The following ANKS1B variants were observed in gnomAD, a reference collection of about 807,000 sequenced individuals.
ANKS1B encodes the protein ankyrin repeat and sterile alpha motif domain-containing protein 1B.
Under a neutral mutation model 148.3 loss-of-function variants are expected in ANKS1B, and 36 were observed. The observed-to-expected ratio is 0.24, with a 90% confidence interval of 0.19 to 0.32. The LOEUF (loss-of-function observed/expected upper bound fraction) is 0.32. Ranked by LOEUF, ANKS1B falls within the 10% of genes least tolerant of loss-of-function variation. The pLI is 1.00. For missense variants in ANKS1B, 1,157 were observed against 1,542.6 expected (o/e 0.75, Z 4.19); for synonymous variants, 542 against 560.8 (o/e 0.97, Z 0.47).
chr12:99,650,377 T>TTAAATGGTCACCTTGAGA (rs1433477684), intron 9 of ANKS1B, among the ~76,000 whole-genome samples: 1 of 152,178 alleles, frequency 6.6e-6, no homozygotes, highest in African/African-American at 2.4e-5. Context: ...GATTGTTTCT[T>TTAAATGGTCACCTTGAGA]TAAATGGTCA....
At chr12:98,749,707 A>G (rs1362690735) in intron 26 of ANKS1B, among the ~76,000 whole-genome samples, 1 of 152,118 alleles carries the variant, frequency 6.6e-6, no homozygotes, top group Admixed American at 6.5e-5. Context: ...AGCATCACAG[A>G]GGACTGTGGT....
chr12:99,900,583 C>T (rs1415130818), intron 1 of ANKS1B, among the ~76,000 whole-genome samples: 9 of 149,708 alleles, frequency 6.0e-5, no homozygotes, highest in African/African-American at 2.0e-4. Flanking sequence ...AGCATTTATT[C>T]AAAGAGCTAT....
chr12:98,792,495 C>T (rs1290765742), intron 22 of ANKS1B, among the ~76,000 whole-genome samples: 1 of 152,116 alleles, frequency 6.6e-6, no homozygotes, highest in Non-Finnish European at 1.5e-5. Flanking sequence ...GTATACAGTA[C>T]AGCATTGTTA....
At chr12:99,872,076 C>A (rs2091585243) in intron 1 of ANKS1B, among the ~76,000 whole-genome samples, 2 of 152,074 alleles carry the variant, frequency 1.3e-5, no homozygotes, top group South Asian at 4.1e-4. Context: ...TGGGAAAAAA[C>A]ATATGTACTA....
intron 8 of ANKS1B, among the ~76,000 whole-genome samples, chr12:99,715,231 C>T (rs572322126): frequency 7.2e-5 from 11 of 152,296 alleles, no homozygotes; most frequent in Admixed American, 7.2e-4. Flanking sequence ...GTAACCTGCA[C>T]GTACACATCC....
chr12:99,691,983 G>A (rs1324867891), intron 8 of ANKS1B, among the ~76,000 whole-genome samples: 3 of 152,162 alleles, frequency 2.0e-5, no homozygotes, highest in Non-Finnish European at 4.4e-5. Context: ...GGGGTATGGT[G>A]GGCATTTTAA....
chr12:99,955,358 T>C (rs904844546), intron 1 of ANKS1B, among the ~76,000 whole-genome samples: 12 of 151,544 alleles, frequency 7.9e-5, no homozygotes, highest in African/African-American at 2.4e-4. Flanking sequence ...CCGGGCATGG[T>C]GGCGCGCGCC....
At chr12:99,205,160 A>C (rs755918528) in intron 14 of ANKS1B, among the ~76,000 whole-genome samples, 5 of 152,198 alleles carry the variant, frequency 3.3e-5, no homozygotes, top group Non-Finnish European at 7.3e-5. Flanking sequence ...CCAAGAAACC[A>C]AGAGAGTGCG....
chr12:99,940,295 A>G (rs1353795661), intron 1 of ANKS1B, among the ~76,000 whole-genome samples: 1 of 152,190 alleles, frequency 6.6e-6, no homozygotes, highest in Non-Finnish European at 1.5e-5. Context: ...TAAATAGGGC[A>G]TGACAATAAA....
chr12:99,940,858 A>T (rs374966080), intron 1 of ANKS1B, among the ~76,000 whole-genome samples: 1 of 152,182 alleles, frequency 6.6e-6, no homozygotes, highest in South Asian at 2.1e-4. Context: ...GAAGGGCATC[A>T]CAGAGGAAGG....
At position 98,744,105 on chromosome 12, in the gene ANKS1B, T is replaced by G; in HGVS notation, c.*1634A>C. 1.0e-6 allele frequency: 1 copy of G among 985,028 alleles called. No individual in the cohort carries two copies. Among genetic ancestry groups the G allele is most frequent in the Non-Finnish European group, 1.2e-6 (1 of 829,146 alleles). 61.0% of individuals were successfully genotyped at this position (985,028 alleles called of 1,614,324 possible). A position where few individuals can be genotyped will look rare whatever the true frequency, so the allele number is the denominator to read the frequency against. The stretch of plus-strand genomic sequence containing the variant: ...GCTTCTGTTTCAGCAAAGCTCCTAT[T>G]AACTTTGCTCCTATACAATTGCCTC... On this transcript the variant is annotated 3_prime_UTR_variant, in exon 27 of 27. Transcript: ENST00000683438.
chr12:99,076,957 A>C (rs2048059696), intron 16 of ANKS1B, among the ~76,000 whole-genome samples: 1 of 152,186 alleles, frequency 6.6e-6, no homozygotes, highest in African/African-American at 2.4e-5. Context: ...AGAGTATAAA[A>C]TATTTATGAT....
intron 17 of ANKS1B, among the ~76,000 whole-genome samples, chr12:98,943,858 C>T (rs976043627): frequency 1.3e-5 from 2 of 152,190 alleles, no homozygotes; most frequent in African/African-American, 4.8e-5. Flanking sequence ...CTCCAAATCT[C>T]ATGTTGAAAT....
At chr12:98,772,908 C>T (rs2153479144) in intron 25 of ANKS1B, 134 bp downstream of exon 25, 2 of 981,426 alleles carry the variant, frequency 2.0e-6, no homozygotes, top group East Asian at 2.9e-5. Context: ...CCCTAGCAAA[C>T]AAATACACTT....
At chr12:99,692,625 C>T (rs773571213) in intron 8 of ANKS1B, among the ~76,000 whole-genome samples, 2 of 147,172 alleles carry the variant, frequency 1.4e-5, no homozygotes, top group Non-Finnish European at 3.0e-5. Context: ...AAGCTGAGAT[C>T]GCACCACTGC....
At chr12:99,766,919 T>C (rs937822969) in intron 8 of ANKS1B, among the ~76,000 whole-genome samples, 6 of 150,388 alleles carry the variant, frequency 4.0e-5, no homozygotes, top group African/African-American at 1.5e-4. Context: ...GCTCTAGAAA[T>C]TGGGTTAGAA....
intron 26 of ANKS1B, 152 bp from the exon 27 acceptor site, chr12:98,746,001 C>T (rs1403292041): frequency 2.7e-6 from 2 of 736,016 alleles, no homozygotes; most frequent in Non-Finnish European, 4.2e-6. Flanking sequence ...GCTCTTTGGA[C>T]ACACATTTAC....
intron 12 of ANKS1B, among the ~76,000 whole-genome samples, chr12:99,371,459 A>C (rs2093129205): frequency 6.6e-6 from 1 of 152,054 alleles, no homozygotes; most frequent in African/African-American, 2.4e-5. Context: ...GGTAGGATTA[A>C]AGATCTGATG....
intron 1 of ANKS1B, among the ~76,000 whole-genome samples, chr12:99,942,244 A>C (rs992554795): frequency 1.3e-5 from 2 of 152,176 alleles, no homozygotes; most frequent in Non-Finnish European, 2.9e-5. Flanking sequence ...GACAACAATA[A>C]GTGTTTCCAG....
Sources: allele counts gnomAD v4.1 joint callset (sites outside exome capture counted in the v4.1 genomes callset), GRCh38; gene constraint gnomAD v4.1.1; transcripts MANE v1.5; gene names NCBI Gene and HGNC (gene_info 2026-07-23, HGNC 2026-07-21).